Variants in CDH22 observed in about 807,000 individuals in gnomAD.
CDH22 encodes the protein cadherin 22.
Under a neutral mutation model 58.4 loss-of-function variants are expected in CDH22, and 30 were observed. The ratio of observed to expected loss-of-function variants is 0.51; its 90% CI spans 0.38 to 0.70. CDH22 has a LOEUF of 0.70. Ranked by LOEUF, CDH22 falls within the 30% of genes least tolerant of loss-of-function variation. CDH22 has a pLI of 0.00. For synonymous variants in CDH22, 513 were observed against 558.2 expected, an observed-to-expected ratio of 0.92 and a Z score of 1.14; for missense variants, 1,014 against 1,233.9, an observed-to-expected ratio of 0.82 and a Z score of 2.67.
intron 3 of CDH22, among the ~76,000 whole-genome samples, chr20:46,236,245 G>A (rs2086250584): frequency 6.6e-6 from 1 of 151,916 alleles, no homozygotes. Flanking sequence ...GACAAGGGCA[G>A]CAATTTGTGT....
In CDH22 at chr20:46,238,768, C is replaced by G. The variant is rs548614937; in HGVS notation, c.550+2195G>C. 5.3e-5 allele frequency among the ~76,000 whole-genome samples: 8 copies of G among 152,364 alleles called. 1 individual carries two copies. Among genetic ancestry groups the G allele is most frequent in the African/African-American group, 1.9e-4 (8 of 41,592 alleles). ...TTTTCAACACCTCCACTGGTACCAT[C>G]TTGTTCCAAGCCACCATCACTTCCT... On this transcript the variant is annotated intron_variant, in intron 3 of 11. Coordinates refer to ENST00000537909, the MANE Select transcript of CDH22 (RefSeq NM_021248.3).
intron 1 of CDH22, among the ~76,000 whole-genome samples, chr20:46,258,289 G>A (rs145099230): frequency 3.0e-4 from 45 of 152,122 alleles, no homozygotes; most frequent in African/African-American, 1.1e-3. Flanking sequence ...TTTGCCTGTT[G>A]CCCCCACCCC....
At chr20:46,258,804 A>T (rs1232063705) in intron 1 of CDH22, among the ~76,000 whole-genome samples, 1 of 152,214 alleles carries the variant, frequency 6.6e-6, no homozygotes, top group East Asian at 1.9e-4. Context: ...CACAGGAGGC[A>T]GGCACGATGT....
At position 46,241,321 on chromosome 20, in the gene CDH22, C is replaced by T. The variant is rs1382723237; in HGVS notation, c.256-64G>A. ...AGGAAGCTCCTCTTGGCCTCACTGT[C>T]TCATGCCATTGGCTGCCTATTCCTA... On this transcript the variant is annotated intron_variant, in intron 2 of 11. Coordinates refer to ENST00000537909, the MANE Select transcript of CDH22 (RefSeq NM_021248.3). This position sits in a 1 kb window ranked among gnomAD's most constrained non-coding sequence, Gnocchi z 5.2. 2.9e-6 allele frequency: 4 copies of T among 1,402,276 alleles called. No individual in the cohort carries two copies. The highest frequency in any genetic ancestry group is 1.4e-5 in the African/African-American group (1 of 69,512). 86.9% of individuals were successfully genotyped at this position (1,402,276 alleles called of 1,614,324 possible).
At chr20:46,219,178 T>G (rs1002872348) in intron 4 of CDH22, among the ~76,000 whole-genome samples, 1 of 152,130 alleles carries the variant, frequency 6.6e-6, no homozygotes, top group Non-Finnish European at 1.5e-5. Flanking sequence ...GGAATGGGTG[T>G]TCTGCCTAAT....
chr20:46,202,065 A>G (rs935254984), intron 7 of CDH22, among the ~76,000 whole-genome samples: 1 of 152,152 alleles, frequency 6.6e-6, no homozygotes, highest in Non-Finnish European at 1.5e-5. Flanking sequence ...GAAGACACTG[A>G]GGTCCAGAGA....
intron 4 of CDH22, 23 bp from the exon 5 acceptor site, chr20:46,217,016 C>A (rs910027069): frequency 6.4e-7 from 1 of 1,572,908 alleles, no homozygotes; most frequent in Non-Finnish European, 8.7e-7. Flanking sequence ...GAGGGTGAGG[C>A]CAGGGCACCC....
In CDH22 at chr20:46,214,433, C is replaced by T. The variant is rs147866413; in HGVS notation, c.839-1245G>A. Among the ~76,000 whole-genome samples, 594 of 152,282 alleles carry T rather than the reference C, an allele frequency of 3.9e-3. 4 individuals carry two copies. Among genetic ancestry groups the T allele is most frequent in the African/African-American group, 0.014 (564 of 41,552 alleles). ...TACAGCAGCCGGGGTGGGGCACTTTCTGAAACACGAGATGAACATGCCACT... is the reference window on the plus strand; with the variant it reads ...TACAGCAGCCGGGGTGGGGCACTTTTTGAAACACGAGATGAACATGCCACT... On this transcript the variant is annotated intron_variant, in intron 5 of 11. Coordinates refer to ENST00000537909, the MANE Select transcript of CDH22 (RefSeq NM_021248.3).
At position 46,251,715 on chromosome 20, in the gene CDH22, A is replaced by G. The variant is rs1343974821; in HGVS notation, c.-399-22T>C. 1.9e-5 allele frequency: 3 copies of G among 157,110 alleles called. No individual in the cohort carries two copies. Among genetic ancestry groups the G allele is most frequent in the African/African-American group, 7.2e-5 (3 of 41,624 alleles). The allele number at this position is 157,110 out of a possible 1,614,324, so 9.7% of individuals were successfully genotyped here. A position where few individuals can be genotyped will look rare whatever the true frequency, so the allele number is the denominator to read the frequency against. ...GAGCCTGCAAGAGAAACAAGAAAAC[A>G]TTAGAGGGGCTTCTGTGTAGGGGGA... On this transcript the variant is annotated intron_variant, in intron 1 of 11. Coordinates refer to ENST00000537909, the MANE Select transcript of CDH22 (RefSeq NM_021248.3). This position sits in a 1 kb window ranked among gnomAD's most constrained non-coding sequence, Gnocchi z 6.7.
At chr20:46,268,413 A>T (rs2086472317) in intron 1 of CDH22, among the ~76,000 whole-genome samples, 1 of 152,250 alleles carries the variant, frequency 6.6e-6, no homozygotes, top group Non-Finnish European at 1.5e-5. Flanking sequence ...ATGCCACTGA[A>T]AATTCCGCTT....
chr20:46,296,693 C>A (rs1350298761), intron 1 of CDH22, among the ~76,000 whole-genome samples: 1 of 152,198 alleles, frequency 6.6e-6, no homozygotes. Context: ...GGGCTTTGAA[C>A]GCCAAGCAGA....
At position 46,300,813 on chromosome 20, in the gene CDH22, G is replaced by A. The variant is rs1018369851; in HGVS notation, c.-400+7442C>T. ...CCCAGTGGTCCCTGAAGAAATCATC[G>A]GACAAGAGCGTGAAGATGTGTGTAC... On this transcript the variant is annotated intron_variant, in intron 1 of 11. Transcript: ENST00000537909. The surrounding 1 kb of genome is among the most constrained non-coding windows in gnomAD (Gnocchi z 4.4). Among the ~76,000 whole-genome samples, 1 of 152,222 alleles carries A rather than the reference G, an allele frequency of 6.6e-6. No homozygotes were observed. Among genetic ancestry groups the A allele is most frequent in the East Asian group, 1.9e-4 (1 of 5,194 alleles).
At chr20:46,186,730 G>A in intron 9 of CDH22, 25 bp from the exon 10 acceptor site, 1 of 1,610,322 alleles carries the variant, frequency 6.2e-7, no homozygotes, top group Non-Finnish European at 8.5e-7. Context: ...GGGGATAGAG[G>A]GCTAGTGGTG....
At position 46,210,953 on chromosome 20, in the gene CDH22, CTG is replaced by C. The variant is rs950650826; in HGVS notation, c.1033-395_1033-394del. Among the ~76,000 whole-genome samples, 1 of 152,202 alleles carries C rather than the reference CTG, an allele frequency of 6.6e-6. No homozygotes were observed. The highest frequency in any genetic ancestry group is 2.4e-5 in the African/African-American group (1 of 41,454). The stretch of plus-strand genomic sequence containing the variant: ...CCTAAGAGGCTTGTATTCTTATGAT[CTG>C]ATCTTACACATGAGGAAAACGAGGC... On this transcript the variant is annotated intron_variant, in intron 6 of 11. Transcript: ENST00000537909. This position sits in a 1 kb window ranked among gnomAD's most constrained non-coding sequence, Gnocchi z 4.5.
At chr20:46,231,652 C>A (rs1341136684) in intron 3 of CDH22, among the ~76,000 whole-genome samples, 2 of 152,156 alleles carry the variant, frequency 1.3e-5, no homozygotes, top group African/African-American at 4.8e-5. Context: ...GAGACTGACA[C>A]CTGAAGGAAG....
intron 4 of CDH22, among the ~76,000 whole-genome samples, chr20:46,224,489 C>T (rs1171287075): frequency 1.3e-5 from 2 of 152,208 alleles, no homozygotes; most frequent in Non-Finnish European, 2.9e-5. Context: ...TGGAGCTCCA[C>T]ACCTGTATTT....
At chr20:46,287,594 G>A (rs373370668) in intron 1 of CDH22, among the ~76,000 whole-genome samples, 9 of 151,868 alleles carry the variant, frequency 5.9e-5, no homozygotes, top group African/African-American at 1.7e-4. Context: ...AGGTTGGCAC[G>A]TCAGGAGCAA....
At chr20:46,296,939 C>T (rs1304099832) in intron 1 of CDH22, among the ~76,000 whole-genome samples, 2 of 152,252 alleles carry the variant, frequency 1.3e-5, no homozygotes, top group African/African-American at 4.8e-5. Flanking sequence ...GCCCAGCCCA[C>T]TTGGGGACTT....
chr20:46,214,542 G>T (rs1341223160), intron 5 of CDH22, among the ~76,000 whole-genome samples: 1 of 152,070 alleles, frequency 6.6e-6, no homozygotes, highest in African/African-American at 2.4e-5. Flanking sequence ...ACAAAACACT[G>T]CCTGGCCCCT....
Sources: allele counts gnomAD v4.1 joint callset (sites outside exome capture counted in the v4.1 genomes callset), GRCh38; gene constraint gnomAD v4.1.1; non-coding constraint Gnocchi (gnomAD v3.1); transcripts MANE v1.5; gene names NCBI Gene and HGNC (gene_info 2026-07-23, HGNC 2026-07-21).